The following CHODL variants were observed in gnomAD, a reference collection of about 807,000 sequenced individuals.
CHODL encodes transmembrane protein MT75.
A neutral mutation model predicts 34.5 loss-of-function variants in CHODL; 29 were observed. That is an observed-to-expected ratio of 0.84 (90% CI 0.63 to 1.15). The LOEUF is 1.15. Among genes scored for constraint, CHODL ranks in the 50% most tolerant of loss-of-function variants. The pLI, the probability that CHODL is intolerant of heterozygous loss-of-function variation, is 0.00. For missense variants in CHODL, 332 were observed against 332.5 expected (o/e 1.00, Z 0.01); for synonymous variants, 125 against 116.1 (o/e 1.08, Z -0.49).
intron 2 of CHODL, among the ~76,000 whole-genome samples, chr21:18,038,511 T>G (rs565960853): frequency 2.6e-5 from 4 of 151,884 alleles, no homozygotes; most frequent in African/African-American, 9.6e-5. Flanking sequence ...GTTTCTGAGA[T>G]AGTTTGCTGA....
intron 2 of CHODL, among the ~76,000 whole-genome samples, chr21:18,110,579 T>C (rs998305262): frequency 1.6e-4 from 10 of 62,460 alleles, no homozygotes; most frequent in Non-Finnish European, 3.8e-4. Context: ...TGCCAACACC[T>C]ACAGCTGATG....
intron 2 of CHODL, among the ~76,000 whole-genome samples, chr21:18,055,126 C>T (rs970758717): frequency 6.6e-6 from 1 of 152,010 alleles, no homozygotes; most frequent in African/African-American, 2.4e-5. Flanking sequence ...ACTTTCCCTC[C>T]TTCCCATCCT....
At chr21:18,191,188 G>T (rs1040179575) in intron 2 of CHODL, among the ~76,000 whole-genome samples, 1 of 152,062 alleles carries the variant, frequency 6.6e-6, no homozygotes, top group South Asian at 2.1e-4. Context: ...TCATTCAAGG[G>T]TGATTTAAAA....
At chr21:18,055,181 T>C (rs1468486805) in intron 2 of CHODL, among the ~76,000 whole-genome samples, 1 of 151,986 alleles carries the variant, frequency 6.6e-6, no homozygotes, top group Non-Finnish European at 1.5e-5. Flanking sequence ...ATTTTGTTCT[T>C]GTTAGTTGGC....
At chr21:18,158,114 C>A (rs2073055737) in intron 2 of CHODL, among the ~76,000 whole-genome samples, 1 of 146,302 alleles carries the variant, frequency 6.8e-6, no homozygotes, top group African/African-American at 2.5e-5. Context: ...ATTAGTGGAA[C>A]TTCTAGGACA....
At chr21:18,063,397 C>T (rs567184562) in intron 2 of CHODL, among the ~76,000 whole-genome samples, 2 of 152,084 alleles carry the variant, frequency 1.3e-5, no homozygotes, top group African/African-American at 2.4e-5. Context: ...TCATTTATTA[C>T]TGAGGACATA....
In CHODL at chr21:18,090,726, GAAAAAAA is replaced by G. The variant is rs5842674; in HGVS notation, c.-45+62769_-45+62775del. On this transcript the variant is annotated intron_variant, in intron 2 of 6. Coordinates refer to the CHODL transcript ENST00000400127. ...CAGAAACTTGCTATTATAATTTCCA[GAAAAAAA>G]AAAAAAAAAAAAACTAAGGCAGGTT... is the stretch of plus-strand genomic sequence containing the variant. 7.9e-3 allele frequency among the ~76,000 whole-genome samples: 992 copies of G among 125,176 alleles called. 8 individuals carry two copies. The highest frequency in any genetic ancestry group is 0.022 in the African/African-American group (711 of 32,242). 82.1% of individuals were successfully genotyped at this position (125,176 alleles called of 152,430 possible). A position where few individuals can be genotyped will look rare whatever the true frequency, so the allele number is the denominator to read the frequency against.
chr21:18,177,278 T>G (rs1024724011), intron 2 of CHODL, among the ~76,000 whole-genome samples: 1 of 152,092 alleles, frequency 6.6e-6, no homozygotes, highest in African/African-American at 2.4e-5. Context: ...ATTTTGTGGT[T>G]TAGTAAACAG....
intron 1 of CHODL, among the ~76,000 whole-genome samples, chr21:17,966,598 G>A (rs919292505): frequency 5.9e-5 from 9 of 152,162 alleles, no homozygotes; most frequent in Non-Finnish European, 1.0e-4. Context: ...CAGGGTGTAA[G>A]CCTCTGCACT....
At chr21:18,187,964 C>T (rs1381561989) in intron 2 of CHODL, among the ~76,000 whole-genome samples, 2 of 152,100 alleles carry the variant, frequency 1.3e-5, no homozygotes, top group East Asian at 1.9e-4. Context: ...TGTACTTCCT[C>T]ATTACCAAAC....
At chr21:18,080,052 C>G (rs1220470619) in intron 2 of CHODL, among the ~76,000 whole-genome samples, 1 of 151,956 alleles carries the variant, frequency 6.6e-6, no homozygotes. Flanking sequence ...GATGGTATCT[C>G]TTGTGGTTTT....
chr21:18,158,838 TAAAA>T (rs11423104), intron 2 of CHODL, among the ~76,000 whole-genome samples: 1 of 121,246 alleles, frequency 8.2e-6, no homozygotes, highest in Non-Finnish European at 1.6e-5. Flanking sequence ...AACTCCGTCT[TAAAA>T]AAAAAAAAAA....
chr21:18,104,326 T>C (rs1414866300), intron 2 of CHODL, among the ~76,000 whole-genome samples: 1 of 152,010 alleles, frequency 6.6e-6, no homozygotes, highest in Non-Finnish European at 1.5e-5. Context: ...AATCTGATGG[T>C]TTTATAAGGG....
At chr21:18,188,978 C>T (rs2073477999) in intron 2 of CHODL, among the ~76,000 whole-genome samples, 1 of 152,194 alleles carries the variant, frequency 6.6e-6, no homozygotes, top group Non-Finnish European at 1.5e-5. Flanking sequence ...GGCAGATGTC[C>T]TTGCAGTACT....
intron 2 of CHODL, among the ~76,000 whole-genome samples, chr21:18,191,027 G>C (rs1484871996): frequency 6.6e-6 from 1 of 152,116 alleles, no homozygotes; most frequent in Non-Finnish European, 1.5e-5. Context: ...TGTCAACCCA[G>C]TAATAACCCC....
intron 2 of CHODL, among the ~76,000 whole-genome samples, chr21:18,034,020 A>G (rs1256093801): frequency 6.6e-6 from 1 of 152,022 alleles, no homozygotes; most frequent in African/African-American, 2.4e-5. Context: ...ACTCTAAGGT[A>G]TATGAAATTG....
At chr21:18,081,402 T>C (rs1347389773) in intron 2 of CHODL, among the ~76,000 whole-genome samples, 2 of 152,108 alleles carry the variant, frequency 1.3e-5, no homozygotes, top group South Asian at 4.1e-4. Flanking sequence ...AAAGTGGGGC[T>C]GGGTGCGGTG....
rs1431090787 is a variant in CHODL, at chr21:18,160,547, T to A, written c.-44-95962T>A. Among the ~76,000 whole-genome samples the A allele has an allele frequency of 2.6e-5, 4 of 152,180 alleles. No homozygotes were observed. The East Asian group carries it at 7.8e-4, about 30-fold the overall frequency. On this transcript the variant is annotated intron_variant, in intron 2 of 6. Coordinates refer to the CHODL transcript ENST00000400127. ...CAACCCTCTATGTGTCCAAGTGTTC[T>A]CAACATTTAGCGTCCACGTATAAGT...
chr21:17,940,810 C>T (rs191304920), intron 1 of CHODL, among the ~76,000 whole-genome samples: 184 of 152,282 alleles, frequency 1.2e-3, no homozygotes, highest in African/African-American at 3.8e-3. Flanking sequence ...TATTAATAGA[C>T]GCTCTTCATC....
Sources: allele counts gnomAD v4.1 joint callset (sites outside exome capture counted in the v4.1 genomes callset), GRCh38; gene constraint gnomAD v4.1.1; transcripts MANE v1.5; gene names NCBI Gene and HGNC (gene_info 2026-07-23, HGNC 2026-07-21).